The following SAMMSON variants were observed in gnomAD, a reference collection of about 807,000 sequenced individuals.
The protein encoded by SAMMSON is long intergenic non-protein coding RNA 1212.
rs113241370 is a variant in SAMMSON, at chr3:70,062,923, CT to C, written n.418-8551del. Among the ~76,000 whole-genome samples, 1,140 of 152,182 alleles carry C rather than the reference CT, an allele frequency of 7.5e-3. 18 individuals carry two copies. Among genetic ancestry groups the C allele is most frequent in the African/African-American group, 0.026 (1,063 of 41,540 alleles). ...ACATTCTATTTTGGGTTGCCCATAT[CT>C]TCAGAAATACAGTATTCCAAAAATT... On this transcript the variant is annotated intron_variant and non_coding_transcript_variant, in intron 3 of 9. Coordinates refer to ENST00000642114, the Ensembl canonical transcript of SAMMSON.
downstream of SAMMSON, among the ~76,000 whole-genome samples, chr3:70,393,110 A>G (rs1411860237): frequency 6.6e-6 from 1 of 152,204 alleles, no homozygotes; most frequent in African/African-American, 2.4e-5. Flanking sequence ...TCTGAATATG[A>G]TCATGATGCT....
At chr3:70,108,431 T>TTTTTTATTTTTA (rs2067375997) in intron 4 of SAMMSON, among the ~76,000 whole-genome samples, 3 of 144,576 alleles carry the variant, frequency 2.1e-5, no homozygotes, top group African/African-American at 7.7e-5. Context: ...TCCTTTTTTT[T>TTTTTTATTTTTA]TTTTTTTTTT....
chr3:70,280,275 T>C (rs9871366), intron 6 of SAMMSON, among the ~76,000 whole-genome samples: 152,195 of 152,224 alleles, frequency 1, 76,083 homozygotes, highest in East Asian at 1. Context: ...GTGCCACTCA[T>C]GTGATCCATG....
chr3:70,351,057 T>C (rs1438163197), intron 7 of SAMMSON, among the ~76,000 whole-genome samples: 3 of 152,138 alleles, frequency 2.0e-5, no homozygotes, highest in African/African-American at 4.8e-5. Context: ...TTTCAGATAT[T>C]ATGAGTAGTT....
intron 4 of SAMMSON, among the ~76,000 whole-genome samples, chr3:70,239,559 T>C (rs1178699555): frequency 1.3e-5 from 2 of 152,312 alleles, no homozygotes; most frequent in Non-Finnish European, 2.9e-5. Context: ...AGTATAAAAT[T>C]TGAATTTAGA....
At chr3:70,108,926 G>A (rs939500670) in intron 4 of SAMMSON, among the ~76,000 whole-genome samples, 4 of 152,140 alleles carry the variant, frequency 2.6e-5, no homozygotes, top group Non-Finnish European at 4.4e-5. Context: ...TACCACAGAT[G>A]TATCTGCTTA....
chr3:70,103,318 G>A (rs1458167078), intron 4 of SAMMSON, among the ~76,000 whole-genome samples: 1 of 152,126 alleles, frequency 6.6e-6, no homozygotes, highest in East Asian at 1.9e-4. Flanking sequence ...TGTGAATGTG[G>A]AGACCAGATT....
At chr3:70,399,480 T>C (rs925460106) in intron 2 of SAMMSON, among the ~76,000 whole-genome samples, 1 of 152,168 alleles carries the variant, frequency 6.6e-6, no homozygotes, top group Non-Finnish European at 1.5e-5. Context: ...TTCCCCAGGA[T>C]GCAATGTAGA....
intron 3 of SAMMSON, among the ~76,000 whole-genome samples, chr3:70,058,623 T>C (rs1253329202): frequency 3.9e-5 from 6 of 152,102 alleles, no homozygotes; most frequent in Non-Finnish European, 8.8e-5. Context: ...GATACCATTC[T>C]CATTTAACTT....
At chr3:70,063,535 A>G (rs764401075) in intron 3 of SAMMSON, among the ~76,000 whole-genome samples, 1 of 152,126 alleles carries the variant, frequency 6.6e-6, no homozygotes, top group Non-Finnish European at 1.5e-5. Flanking sequence ...TCCTCTGCAA[A>G]CATAGCTGCA....
intron 4 of SAMMSON, among the ~76,000 whole-genome samples, chr3:70,081,195 G>C (rs1429608929): frequency 6.6e-6 from 1 of 152,104 alleles, no homozygotes; most frequent in African/African-American, 2.4e-5. Context: ...CTCACTGCAA[G>C]CTCCGCCTCC....
At chr3:70,261,071 ACGTT>A (rs1701861021) in intron 6 of SAMMSON, among the ~76,000 whole-genome samples, 1 of 152,200 alleles carries the variant, frequency 6.6e-6, no homozygotes, top group Admixed American at 6.5e-5. Flanking sequence ...AAGCACTTCA[ACGTT>A]TATTTAAAGT....
chr3:70,115,119 C>A (rs1418321449), intron 4 of SAMMSON, among the ~76,000 whole-genome samples: 1 of 147,932 alleles, frequency 6.8e-6, no homozygotes. Flanking sequence ...AGCACATATT[C>A]ATTAAGTGCC....
intron 7 of SAMMSON, among the ~76,000 whole-genome samples, chr3:70,340,695 G>A (rs1186865459): frequency 6.6e-6 from 1 of 152,080 alleles, no homozygotes; most frequent in Non-Finnish European, 1.5e-5. Flanking sequence ...CTGTTGTCAC[G>A]ATTCATTATT....
intron 4 of SAMMSON, among the ~76,000 whole-genome samples, chr3:70,112,932 G>A (rs546522845): frequency 5.3e-4 from 80 of 152,208 alleles, no homozygotes; most frequent in South Asian, 3.5e-3. Flanking sequence ...AAACTCACAG[G>A]AACATATTTT....
chr3:70,016,790 C>T lies in SAMMSON; in HGVS notation n.417+3118C>T, dbSNP rs2066988017. Among the ~76,000 whole-genome samples the T allele has an allele frequency of 2.6e-5, 4 of 152,288 alleles. No individual in the cohort carries two copies. The South Asian group carries it at 6.2e-4, about 24-fold the overall frequency. On this transcript the variant is annotated intron_variant and non_coding_transcript_variant, in intron 3 of 9. Transcript: ENST00000642114. ...AAGGTGTAAGGAAGAGATCCACTTT[C>T]AGCTTTCTACATATGGCTAGCCAGT...
chr3:70,101,460 G>A (rs771742592), intron 4 of SAMMSON, among the ~76,000 whole-genome samples: 10 of 151,858 alleles, frequency 6.6e-5, no homozygotes, highest in African/African-American at 9.7e-5. Context: ...AATTTACCTC[G>A]TTGTTTACAT....
chr3:70,299,067 A>T (rs7633915), intron 7 of SAMMSON, among the ~76,000 whole-genome samples: 31,566 of 152,048 alleles, frequency 0.21, 3,473 homozygotes, highest in South Asian at 0.28. Context: ...TTATAAGGAG[A>T]TACCAAAACA....
chr3:70,109,066 C>T (rs2067378645), intron 4 of SAMMSON, among the ~76,000 whole-genome samples: 2 of 152,144 alleles, frequency 1.3e-5, no homozygotes, highest in South Asian at 4.2e-4. Context: ...GTTTTGCAGC[C>T]TCCCTTTCTC....
Sources: gnomAD v4.1 joint callset for allele counts (sites outside exome capture counted in the v4.1 genomes callset) on GRCh38, gnomAD v4.1.1 for gene constraint, MANE v1.5 for transcripts, NCBI Gene and HGNC (gene_info 2026-07-23, HGNC 2026-07-21) for gene names.